GRIN2B: variants seen among roughly 807,000 people sequenced by gnomAD.
GRIN2B encodes the protein glutamate receptor ionotropic, NMDA 2B.
GRIN2B carries 5 observed loss-of-function variants against 114.5 expected under a neutral mutation model. That is an observed-to-expected ratio of 0.04 (90% confidence interval 0.02 to 0.09). GRIN2B has a LOEUF of 0.09. Ranked by LOEUF, GRIN2B falls within the 10% of genes least tolerant of loss-of-function variation. GRIN2B has a pLI of 1.00. For missense variants in GRIN2B, 1,108 were observed against 1,943.5 expected, an observed-to-expected ratio of 0.57 and a Z score of 8.08; for synonymous variants, 787 against 745.1, an observed-to-expected ratio of 1.06 and a Z score of -0.92.
At chr12:13,845,628 T>A (rs1294434780) in intron 3 of GRIN2B, among the ~76,000 whole-genome samples, 1 of 152,154 alleles carries the variant, frequency 6.6e-6, no homozygotes, top group African/African-American at 2.4e-5. Flanking sequence ...CTCAGTGTCC[T>A]CTATTGTAAA....
Position 13,970,339 on chromosome 12 carries a change from T to C in GRIN2B, c.-19+9589A>G, listed in dbSNP as rs542233064. Among the ~76,000 whole-genome samples the C allele has an allele frequency of 4.6e-5, 7 of 152,376 alleles. No homozygotes were observed. In the South Asian group the frequency reaches 1.0e-3, roughly 23 times the overall value. The stretch of plus-strand genomic sequence containing the variant: ...AAGGAATGAGTATATTTTCACTTCA[T>C]CAGCCTAAAGCTGGCACTAAAGATA... On this transcript the variant is annotated intron_variant, in intron 2 of 13. Coordinates refer to ENST00000609686, the MANE Select transcript of GRIN2B (RefSeq NM_000834.5).
At chr12:13,579,318 G>A (rs4763353) in intron 10 of GRIN2B, among the ~76,000 whole-genome samples, 41,530 of 152,086 alleles carry the variant, frequency 0.27, 7,312 homozygotes, top group Middle Eastern at 0.5. Flanking sequence ...CATAATATAA[G>A]GGATGAGAAA....
At chr12:13,680,398 G>T (rs1382437437) in intron 4 of GRIN2B, among the ~76,000 whole-genome samples, 3 of 151,090 alleles carry the variant, frequency 2.0e-5, no homozygotes, top group African/African-American at 7.3e-5. Flanking sequence ...CAGAAGTTCT[G>T]CCCATGAGAC....
At chr12:13,608,323 A>G (rs1434607746) in intron 10 of GRIN2B, among the ~76,000 whole-genome samples, 1 of 152,152 alleles carries the variant, frequency 6.6e-6, no homozygotes, top group Non-Finnish European at 1.5e-5. Flanking sequence ...ACCACATCCA[A>G]CAAGAGGTAC....
chr12:13,913,006 C>T (rs527857253), intron 2 of GRIN2B, among the ~76,000 whole-genome samples: 7 of 152,226 alleles, frequency 4.6e-5, no homozygotes, highest in African/African-American at 1.7e-4. Flanking sequence ...TTAGTCCTCC[C>T]ATCAGAAAGA....
At chr12:13,724,061 A>G (rs1862931306) in intron 4 of GRIN2B, among the ~76,000 whole-genome samples, 1 of 152,146 alleles carries the variant, frequency 6.6e-6, no homozygotes, top group Non-Finnish European at 1.5e-5. Context: ...ACCTCTTAGA[A>G]GGCAAGAAAA....
chr12:13,588,717 T>C (rs568411685), intron 10 of GRIN2B, among the ~76,000 whole-genome samples: 19 of 152,234 alleles, frequency 1.2e-4, no homozygotes, highest in African/African-American at 4.6e-4. Flanking sequence ...TTTTTTAAAA[T>C]AAAGAGCCTG....
At chr12:13,725,472 T>C (rs1862966814) in intron 4 of GRIN2B, among the ~76,000 whole-genome samples, 1 of 152,082 alleles carries the variant, frequency 6.6e-6, no homozygotes. Flanking sequence ...CTAAGGCATA[T>C]GGTCCCTGTT....
intron 10 of GRIN2B, among the ~76,000 whole-genome samples, chr12:13,586,164 TATTC>T (rs1948922112): frequency 6.6e-6 from 1 of 152,194 alleles, no homozygotes; most frequent in Admixed American, 6.5e-5. Flanking sequence ...CATTCAAACA[TATTC>T]AGTGAGCATC....
At chr12:13,660,250 C>T (rs576287632) in intron 5 of GRIN2B, among the ~76,000 whole-genome samples, 215 of 152,180 alleles carry the variant, frequency 1.4e-3, no homozygotes, top group Non-Finnish European at 2.3e-3. Context: ...GCATGAATAA[C>T]ACGAAGTACA....
chr12:13,761,559 A>G (rs2136637285), intron 3 of GRIN2B, among the ~76,000 whole-genome samples: 1 of 152,358 alleles, frequency 6.6e-6, no homozygotes, highest in Middle Eastern at 3.4e-3. Flanking sequence ...GAGCACTTTG[A>G]GAATGTGTTT....
intron 3 of GRIN2B, among the ~76,000 whole-genome samples, chr12:13,839,539 C>T (rs1422408079): frequency 6.6e-6 from 1 of 152,196 alleles, no homozygotes; most frequent in Non-Finnish European, 1.5e-5. Flanking sequence ...GAAGCACTCT[C>T]ATGTATCTCA....
At chr12:13,792,714 T>C (rs1864341823) in intron 3 of GRIN2B, among the ~76,000 whole-genome samples, 1 of 152,192 alleles carries the variant, frequency 6.6e-6, no homozygotes, top group South Asian at 2.1e-4. Context: ...GCAGATGCTG[T>C]GGCACCTGAC....
rs1948616820 is a variant in GRIN2B at position 13,564,809 on chromosome 12, C to T, written c.2599-170G>A. Among the ~76,000 whole-genome samples, 1 of 152,166 alleles carries T rather than the reference C, an allele frequency of 6.6e-6. No individual in the cohort carries two copies. Among genetic ancestry groups the T allele is most frequent in the African/African-American group, 2.4e-5 (1 of 41,442 alleles). The stretch of plus-strand genomic sequence containing the variant: ...CTAGAAGTTTGCCTAATTTATACCC[C>T]TAAATTTGGTGACTGTCATGTGGTG... On this transcript the variant is annotated intron_variant, in intron 13 of 13. Coordinates refer to ENST00000609686, the MANE Select transcript of GRIN2B (RefSeq NM_000834.5). The surrounding 1 kb of genome is among the most constrained non-coding windows in gnomAD (Gnocchi z 4.8).
At position 13,846,295 on chromosome 12, in the gene GRIN2B, G is replaced by A. The variant is rs914790176; in HGVS notation, c.411+19503C>T. Among the ~76,000 whole-genome samples, 24 of 152,250 alleles carry A rather than the reference G, an allele frequency of 1.6e-4. 1 individual carries two copies. The highest frequency in any genetic ancestry group is 5.8e-4 in the African/African-American group (24 of 41,552). On this transcript the variant is annotated intron_variant, in intron 3 of 13. Coordinates refer to ENST00000609686, the MANE Select transcript of GRIN2B (RefSeq NM_000834.5). ...AAAGAAGAATAAAGCCCTAAAAAGC[G>A]AGTAGCAGCATACCATCCGCTACAT...
At chr12:13,640,801 C>T (rs1949707854) in intron 5 of GRIN2B, among the ~76,000 whole-genome samples, 1 of 151,974 alleles carries the variant, frequency 6.6e-6, no homozygotes, top group African/African-American at 2.4e-5. Context: ...GAGATGGAGC[C>T]TAGGTCGAGT....
chr12:13,603,794 CAGGAGAAGCACCCTGGCAGAGTGA>C, intron 10 of GRIN2B, among the ~76,000 whole-genome samples: 2 of 151,960 alleles, frequency 1.3e-5, no homozygotes, highest in African/African-American at 4.8e-5. Context: ...AGATTAGCTA[CAGGAGAAGCACCCTGGCAGAGTGA>C]TTTTGGAGCC....
chr12:13,566,925 A>T (rs3026159), intron 13 of GRIN2B, 100 bp downstream of exon 13: 21 of 835,136 alleles, frequency 2.5e-5, no homozygotes, highest in African/African-American at 2.5e-4. Flanking sequence ...CTTGAGCAAC[A>T]TGGGGGTGGA....
intron 4 of GRIN2B, among the ~76,000 whole-genome samples, chr12:13,708,511 C>T (rs1950383144): frequency 6.6e-6 from 1 of 152,018 alleles, no homozygotes; most frequent in African/African-American, 2.4e-5. Context: ...CCAACTGCCC[C>T]ATGAAATAAG....
Sources: gnomAD v4.1 joint callset for allele counts (sites outside exome capture counted in the v4.1 genomes callset) on GRCh38, gnomAD v4.1.1 for gene constraint, Gnocchi (gnomAD v3.1) non-coding constraint, MANE v1.5 for transcripts, NCBI Gene and HGNC (gene_info 2026-07-23, HGNC 2026-07-21) for gene names.